The following ADGRE1 variants were observed in gnomAD, a reference collection of about 807,000 sequenced individuals.
ADGRE1 encodes the protein adhesion G protein-coupled receptor E1.
In ADGRE1, 82 loss-of-function variants were observed where a neutral mutation model predicts 102.7. That is an observed-to-expected ratio of 0.80 (90% confidence interval 0.67 to 0.96). ADGRE1 has a LOEUF of 0.96. Among genes scored for constraint, ADGRE1 ranks in the 40% least tolerant of loss-of-function variants. ADGRE1 has a pLI of 0.00. For synonymous variants in ADGRE1, 398 were observed against 399.6 expected, an observed-to-expected ratio of 1.00 and a Z score of 0.05; for missense variants, 1,032 against 1,085.3, an observed-to-expected ratio of 0.95 and a Z score of 0.69.
intron 12 of ADGRE1, among the ~76,000 whole-genome samples, chr19:6,916,786 T>A (rs1974404593): frequency 6.6e-6 from 1 of 151,246 alleles, no homozygotes; most frequent in South Asian, 2.1e-4. Context: ...AATATTTAAA[T>A]TTTTAAAATA....
intron 8 of ADGRE1, among the ~76,000 whole-genome samples, chr19:6,904,959 G>A (rs985985607): frequency 2.6e-5 from 4 of 152,044 alleles, no homozygotes; most frequent in Non-Finnish European, 4.4e-5. Flanking sequence ...AGGTCCTGAG[G>A]CTCACACCAA....
intron 13 of ADGRE1, among the ~76,000 whole-genome samples, chr19:6,920,284 A>G (rs113872265): frequency 0.29 from 42,591 of 149,220 alleles, 7,555 homozygotes; most frequent in African/African-American, 0.49. Flanking sequence ...CAGTGGCACA[A>G]TTTCAAGTCA....
At chr19:6,913,448 G>A (rs1476466266) in intron 10 of ADGRE1, among the ~76,000 whole-genome samples, 1 of 151,762 alleles carries the variant, frequency 6.6e-6, no homozygotes, top group Admixed American at 6.6e-5. Context: ...CCAAAGTGCT[G>A]GGCTTACAAG....
intron 15 of ADGRE1, among the ~76,000 whole-genome samples, chr19:6,925,819 C>T (rs1974881895): frequency 6.6e-6 from 1 of 152,006 alleles, no homozygotes; most frequent in Admixed American, 6.6e-5. Flanking sequence ...CGTTTGCCTC[C>T]CAAGTACCTG....
Position 6,897,163 on chromosome 19 carries a change from T to A in ADGRE1, c.253T>A (p.Ser85Thr). 6.2e-7 allele frequency: 1 copy of A among 1,612,234 alleles called. No individual in the cohort carries two copies. The highest frequency in any genetic ancestry group is 1.1e-5 in the South Asian group (1 of 90,974). The part of the protein sequence containing the change: ...GVRCKDIDEC[S>T]QSPQPCGPNS... ...TCTCTGTCTAGATATTGATGAATGT[T>A]CTCAAAGCCCCCAGCCCTGTGGTCC... The change falls in exon 4 of 21, where the codon TCT becomes ACT. Residue 85 changes from serine (S) to threonine (T), a missense_variant. Coordinates refer to ENST00000312053, the MANE Select transcript of ADGRE1 (RefSeq NM_001974.5).
At chr19:6,909,665 T>C (rs1034288533) in intron 10 of ADGRE1, among the ~76,000 whole-genome samples, 1 of 152,156 alleles carries the variant, frequency 6.6e-6, no homozygotes. Flanking sequence ...CTCAAGAACT[T>C]TCTCATCTTT....
Position 6,908,760 on chromosome 19 carries a change from AGTTTCTCTG to A in ADGRE1, c.1111_1119del (p.Val371_Leu373del). Reference sequence around the variant, plus strand: ...AAGTGTGTGAAAATAAAACGACCGTAGTTTCTCTGAAGGTAACGATTGGGTCTTTTAAAT... The same window carrying A: ...AAGTGTGTGAAAATAAAACGACCGTAAAGGTAACGATTGGGTCTTTTAAAT... On this transcript the variant is annotated inframe_deletion, in exon 10 of 21. Coordinates refer to ENST00000312053, the MANE Select transcript of ADGRE1 (RefSeq NM_001974.5). The A allele has an allele frequency of 6.2e-7, 1 of 1,609,648 alleles. No individual in the cohort carries two copies. The highest frequency in any genetic ancestry group is 8.5e-7 in the Non-Finnish European group (1 of 1,178,996).
intron 12 of ADGRE1, among the ~76,000 whole-genome samples, chr19:6,918,180 C>G (rs541098630): frequency 2.0e-5 from 3 of 152,206 alleles, no homozygotes; most frequent in African/African-American, 4.8e-5. Context: ...TGGCTCACGC[C>G]TGTAATCCCA....
chr19:6,929,692 T>G (rs1975065096), intron 17 of ADGRE1, among the ~76,000 whole-genome samples: 2 of 152,030 alleles, frequency 1.3e-5, no homozygotes, highest in East Asian at 1.9e-4. Context: ...CCGGCAATTT[T>G]GTATTTTTAA....
intron 5 of ADGRE1, chr19:6,898,465 G>C (rs1448868176): frequency 1.3e-6 from 2 of 1,590,212 alleles, no homozygotes; most frequent in African/African-American, 2.7e-5. Flanking sequence ...CTGTACTGGT[G>C]ATGCCCTCAG....
chr19:6,921,632 C>T, intron 13 of ADGRE1, 81 bp from the exon 14 acceptor site: 1 of 1,423,046 alleles, frequency 7.0e-7, no homozygotes, highest in Non-Finnish European at 9.3e-7. Flanking sequence ...TTCCCAGTGA[C>T]TCTTGAGGAT....
chr19:6,911,775 A>G (rs1448659994), intron 10 of ADGRE1, among the ~76,000 whole-genome samples: 3 of 119,692 alleles, frequency 2.5e-5, no homozygotes, highest in South Asian at 3.0e-4. Flanking sequence ...ACACATATAC[A>G]TATGCATATA....
chr19:6,911,678 AATAC>A (rs1221417203), intron 10 of ADGRE1, among the ~76,000 whole-genome samples: 2 of 151,226 alleles, frequency 1.3e-5, no homozygotes, highest in East Asian at 1.9e-4. Context: ...CATACATACA[AATAC>A]ATACACGTAT....
chr19:6,896,588 A>G, intron 3 of ADGRE1, 47 bp downstream of exon 3: 1 of 1,596,024 alleles, frequency 6.3e-7, no homozygotes, highest in Non-Finnish European at 8.6e-7. Context: ...TAGGAAAATC[A>G]AGTCAAAGCT....
At chr19:6,893,435 A>G (rs941945783) in intron 2 of ADGRE1, among the ~76,000 whole-genome samples, 2 of 152,158 alleles carry the variant, frequency 1.3e-5, no homozygotes, top group African/African-American at 4.8e-5. Flanking sequence ...TCCCGATCTC[A>G]GGTGATCTGC....
intron 11 of ADGRE1, 25 bp from the exon 12 acceptor site, chr19:6,916,224 A>G (rs757164317): frequency 6.2e-7 from 1 of 1,605,034 alleles, no homozygotes; most frequent in Non-Finnish European, 8.5e-7. Flanking sequence ...GTGACCTCAT[A>G]CGAACTCTCC....
At chr19:6,890,370 C>A in intron 1 of ADGRE1, 111 bp from the exon 2 acceptor site, 5 of 1,035,868 alleles carry the variant, frequency 4.8e-6, no homozygotes, top group Non-Finnish European at 6.9e-6. Flanking sequence ...CTCTTCAAAC[C>A]TATTTCTGTG....
chr19:6,894,342 G>T (rs993289244), intron 2 of ADGRE1, among the ~76,000 whole-genome samples: 3 of 152,078 alleles, frequency 2.0e-5, no homozygotes, highest in Non-Finnish European at 4.4e-5. Context: ...GGTGAAGGTG[G>T]CCATGAAGGA....
At chr19:6,937,690 G>C (rs771922732) in intron 20 of ADGRE1, 42 bp downstream of exon 20, 1 of 1,591,098 alleles carries the variant, frequency 6.3e-7, no homozygotes, top group Non-Finnish European at 8.6e-7. Context: ...GTCGAGGGAG[G>C]TGCCGGCCTC....
Sources: allele counts gnomAD v4.1 joint callset (sites outside exome capture counted in the v4.1 genomes callset), GRCh38; gene constraint gnomAD v4.1.1; transcripts MANE v1.5; gene names NCBI Gene and HGNC (gene_info 2026-07-23, HGNC 2026-07-21).